Variants in AP3M2 observed in about 807,000 individuals in gnomAD.
AP3M2 encodes the protein adaptor related protein complex 3 subunit mu 2.
Under a neutral mutation model 41.6 loss-of-function variants are expected in AP3M2, and 28 were observed. The observed-to-expected ratio is 0.67, with a 90% confidence interval of 0.50 to 0.92. AP3M2 has a LOEUF of 0.92. Among genes scored for constraint, AP3M2 ranks in the 40% least tolerant of loss-of-function variants. The pLI, the probability that AP3M2 is intolerant of heterozygous loss-of-function variation, is 0.00. For synonymous variants in AP3M2, 193 were observed against 186.4 expected (o/e 1.04, Z -0.29); for missense variants, 427 against 521.4 (o/e 0.82, Z 1.76).
At chr8:42,162,518 C>G (rs1010504963) in intron 4 of AP3M2, 100 bp downstream of exon 4, 2 of 1,399,602 alleles carry the variant, frequency 1.4e-6, no homozygotes, top group African/African-American at 1.5e-5. Context: ...CAAGGTCATC[C>G]ACTTCAATTT....
chr8:42,157,992 G>T lies in AP3M2; in HGVS notation c.325G>T (p.Val109Phe), dbSNP rs778653639. ...AGTGATCAAAGACAATGTAGTTGTG[G>T]TTTATGAGGTATTGGAAGAGATGCT... ...EPVIKDNVVV[V>F]YEVLEEMLDN... Residue 109 changes from valine (V) to phenylalanine (F), a missense_variant, in exon 3 of 9, where the codon GTT becomes TTT. Val to Phe is a conservative substitution (Grantham distance 50, BLOSUM62 -1). Transcript: ENST00000396926. 6.2e-7 allele frequency: 1 copy of T among 1,614,158 alleles called. No individual in the cohort carries two copies. Among genetic ancestry groups the T allele is most frequent in the Non-Finnish European group, 8.5e-7 (1 of 1,180,014 alleles).
chr8:42,165,491 A>G lies in AP3M2; in HGVS notation c.734A>G (p.Glu245Gly), dbSNP rs925611715. 27 of 1,614,160 alleles carry G rather than the reference A, an allele frequency of 1.7e-5. No homozygotes were observed. Among genetic ancestry groups the G allele is most frequent in the Non-Finnish European group, 2.2e-5 (26 of 1,180,028 alleles). Reference protein sequence around the residue: ...PCVRFKRWESERILSFIPPDG... With the variant: ...PCVRFKRWESGRILSFIPPDG... Reference sequence around the variant, plus strand: ...GTTCGTTTCAAACGCTGGGAATCTGAGCGCATCCTCTCCTTCATCCCTCCT... The same window carrying G: ...GTTCGTTTCAAACGCTGGGAATCTGGGCGCATCCTCTCCTTCATCCCTCCT... Residue 245 changes from glutamate to glycine, a missense_variant, in exon 6 of 9, where the codon GAG (glutamate) becomes GGG (glycine). Physicochemically the swap from Glu to Gly is moderately conservative, Grantham distance 98. Coordinates refer to ENST00000396926, the MANE Select transcript of AP3M2 (RefSeq NM_006803.4).
chr8:42,165,249 A>C, intron 5 of AP3M2, 93 bp downstream of exon 5: 1 of 1,466,524 alleles, frequency 6.8e-7, no homozygotes, highest in Non-Finnish European at 9.3e-7. Flanking sequence ...AACAAGAAGA[A>C]ATAATTAGGA....
rs1804310908 is a variant in AP3M2, at chr8:42,154,811, G to A, written c.124G>A (p.Ala42Thr). Residue 42 changes from alanine (A) to threonine (T), a missense_variant, in exon 2 of 9, where the codon GCA becomes ACA. Ala to Thr is a moderately conservative substitution (Grantham distance 58, BLOSUM62 0). This residue lies in a region of AP3M2 where 104 missense variants were observed against 93.8 expected (regional missense o/e 1.11). Coordinates refer to ENST00000396926, the MANE Select transcript of AP3M2 (RefSeq NM_006803.4). Reference sequence around the variant, plus strand: ...TGAGGCGCAAGAGAGAGCTACTGAGGCAGAAAATGTGCCTCCGGTTATCCC... The same window carrying A: ...TGAGGCGCAAGAGAGAGCTACTGAGACAGAAAATGTGCCTCCGGTTATCCC... ...FFEAQERATE[A>T]ENVPPVIPTP... 6.2e-7 allele frequency: 1 copy of A among 1,614,098 alleles called. No homozygotes were observed. Among genetic ancestry groups the A allele is most frequent in the East Asian group, 2.2e-5 (1 of 44,874 alleles).
At position 42,154,628 on chromosome 8, in the gene AP3M2, A is replaced by G; in HGVS notation, c.-60A>G. The G allele has an allele frequency of 6.4e-7, 1 of 1,571,854 alleles. No individual in the cohort carries two copies. The highest frequency in any genetic ancestry group is 1.2e-5 in the South Asian group (1 of 85,028). ...CTTTTGTTTTTAGAGTTGAAAACTTACAGAGTCCTGAGGCTTTCAGACTGA... is the reference window on the plus strand; with the variant it reads ...CTTTTGTTTTTAGAGTTGAAAACTTGCAGAGTCCTGAGGCTTTCAGACTGA... On this transcript the variant is annotated 5_prime_UTR_variant, in exon 2 of 9. Transcript: ENST00000396926.
chr8:42,163,296 TTAAC>T (rs1429123313), intron 4 of AP3M2, among the ~76,000 whole-genome samples: 3 of 152,202 alleles, frequency 2.0e-5, no homozygotes, highest in East Asian at 3.8e-4. Flanking sequence ...GATCCTGTCT[TTAAC>T]TAAAGAAAAA....
intron 2 of AP3M2, among the ~76,000 whole-genome samples, chr8:42,156,999 A>G (rs2150957235): frequency 6.6e-6 from 1 of 152,360 alleles, no homozygotes; most frequent in East Asian, 1.9e-4. Context: ...CCATTCATGA[A>G]TAGAATGGAC....
At chr8:42,162,245 A>AT in intron 3 of AP3M2, 36 bp from the exon 4 acceptor site, 5 of 1,580,166 alleles carry the variant, frequency 3.2e-6, no homozygotes, top group Non-Finnish European at 4.3e-6. Flanking sequence ...CTAGAGTCAA[A>AT]ATGGTGTTAA....
In AP3M2 at chr8:42,154,684, C is replaced by T; in HGVS notation, c.-4C>T. On this transcript the variant is annotated 5_prime_UTR_variant, in exon 2 of 9. Coordinates refer to ENST00000396926, the MANE Select transcript of AP3M2 (RefSeq NM_006803.4). ...GCTTTCTTCTGTCACTGACAATCGC[C>T]ACCATGATCCATAGTCTTTTCTTGA... 6.2e-7 allele frequency: 1 copy of T among 1,612,724 alleles called. No individual in the cohort carries two copies.
At chr8:42,164,850 T>TG (rs1564118347) in intron 4 of AP3M2, among the ~76,000 whole-genome samples, 4 of 152,190 alleles carry the variant, frequency 2.6e-5, no homozygotes, top group Admixed American at 2.6e-4. Flanking sequence ...TAGTGTCTCA[T>TG]GCTTGATGTG....
intron 2 of AP3M2, 132 bp downstream of exon 2, chr8:42,155,092 C>A: frequency 1.4e-6 from 1 of 736,722 alleles, no homozygotes; most frequent in Non-Finnish European, 2.2e-6. Flanking sequence ...ACTTCCTCTC[C>A]CATCTGATAA....
chr8:42,164,927 GGAAAGAAAGGGAGA>G (rs2150959966), intron 4 of AP3M2, 130 bp from the exon 5 acceptor site: 3 of 642,724 alleles, frequency 4.7e-6, no homozygotes, highest in East Asian at 2.9e-5. Flanking sequence ...CTAGGCAGAA[GGAAAGAAAGGGAGA>G]GAGAGGAAGG....
At chr8:42,168,285 G>C (rs149213178) in intron 8 of AP3M2, 97 of 450,850 alleles carry the variant, frequency 2.2e-4, no homozygotes, top group African/African-American at 1.8e-3. Flanking sequence ...CCTTAGCACG[G>C]TAGTCATCAG....
chr8:42,167,972 G>A (rs946516719), intron 8 of AP3M2, among the ~76,000 whole-genome samples, 162 bp downstream of exon 8: 2 of 152,190 alleles, frequency 1.3e-5, no homozygotes, highest in Non-Finnish European at 2.9e-5. Context: ...TGTTTCTGGG[G>A]AAAATTTACA....
At chr8:42,165,681 G>A (rs1457255600) in intron 6 of AP3M2, 121 bp downstream of exon 6, 1 of 1,266,748 alleles carries the variant, frequency 7.9e-7, no homozygotes, top group African/African-American at 1.5e-5. Flanking sequence ...AGCTTCTGTG[G>A]TTACTAATTG....
At chr8:42,167,122 C>T in intron 6 of AP3M2, 42 bp from the exon 7 acceptor site, 1 of 1,574,324 alleles carries the variant, frequency 6.4e-7, no homozygotes, top group Non-Finnish European at 8.7e-7. Context: ...CTACCATTTT[C>T]CCAGTGCACG....
In AP3M2 at chr8:42,167,230, C is replaced by T. The variant is rs1473331695; in HGVS notation, c.870C>T (p.Arg290=). 6.2e-7 allele frequency: 1 copy of T among 1,613,968 alleles called. No individual in the cohort carries two copies. The highest frequency in any genetic ancestry group is 1.7e-5 in the Admixed American group (1 of 59,990). Residue 290 remains arginine, a synonymous_variant, in exon 7 of 9, where the codon CGC becomes CGT. Coordinates refer to ENST00000396926, the MANE Select transcript of AP3M2 (RefSeq NM_006803.4). Reference sequence around the variant, plus strand: ...TCCGGGACAGTAGTTCCCTTGGACGCTTTGAAATAACGGTGGGACCCAAGC... The same window carrying T: ...TCCGGGACAGTAGTTCCCTTGGACGTTTTGAAATAACGGTGGGACCCAAGC... ...ISFRDSSSLG[R]FEITVGPKQT...
intron 3 of AP3M2, among the ~76,000 whole-genome samples, chr8:42,161,443 T>A (rs987855843): frequency 6.6e-6 from 1 of 152,060 alleles, no homozygotes; most frequent in Non-Finnish European, 1.5e-5. Flanking sequence ...ACCCCGTCTC[T>A]ACTAAAAATA....
intron 6 of AP3M2, among the ~76,000 whole-genome samples, chr8:42,166,105 A>G (rs1804631252): frequency 6.6e-6 from 1 of 152,178 alleles, no homozygotes; most frequent in Non-Finnish European, 1.5e-5. Context: ...GGAATGAATC[A>G]TTTGGGAAAA....
Sources: gnomAD v4.1 joint callset for allele counts (sites outside exome capture counted in the v4.1 genomes callset) on GRCh38, gnomAD v4.1.1 for gene constraint, gnomAD v4.1.1 regional missense constraint, MANE v1.5 for transcripts, NCBI Gene and HGNC (gene_info 2026-07-23, HGNC 2026-07-21) for gene names.